ADGRB3: variants seen among roughly 807,000 people sequenced by gnomAD.
The protein encoded by ADGRB3 is brain-specific angiogenesis inhibitor 3.
A neutral mutation model predicts 193.4 loss-of-function variants in ADGRB3; 37 were observed. That is an observed-to-expected ratio of 0.19 (90% CI 0.15 to 0.25). ADGRB3 has a LOEUF of 0.25. Ranked by LOEUF, ADGRB3 falls within the 10% of genes least tolerant of loss-of-function variation. The pLI is 1.00. For synonymous variants in ADGRB3, 690 were observed against 644.2 expected, an observed-to-expected ratio of 1.07 and a Z score of -1.08; for missense variants, 1,637 against 1,852.9, an observed-to-expected ratio of 0.88 and a Z score of 2.14.
At chr6:68,749,269 A>C (rs376885615) in intron 3 of ADGRB3, among the ~76,000 whole-genome samples, 9 of 152,174 alleles carry the variant, frequency 5.9e-5, no homozygotes, top group African/African-American at 1.9e-4. Flanking sequence ...TCTGTCGCAT[A>C]GTCAGGCTGT....
intron 11 of ADGRB3, among the ~76,000 whole-genome samples, chr6:69,005,294 C>T (rs1769714852): frequency 6.6e-6 from 1 of 151,272 alleles, no homozygotes; most frequent in South Asian, 2.1e-4. Flanking sequence ...ATCTAGTATA[C>T]CTCACAGCAG....
chr6:68,817,869 C>A (rs1408236420), intron 3 of ADGRB3, among the ~76,000 whole-genome samples: 1 of 151,962 alleles, frequency 6.6e-6, no homozygotes, highest in African/African-American at 2.4e-5. Flanking sequence ...ATTTTTCTTG[C>A]CAGCTTCTTG....
intron 3 of ADGRB3, among the ~76,000 whole-genome samples, chr6:68,711,583 T>G (rs570116010): frequency 6.6e-6 from 1 of 152,106 alleles, no homozygotes; most frequent in Non-Finnish European, 1.5e-5. Flanking sequence ...TTTTGTTTTG[T>G]TTTTCTTTGT....
intron 3 of ADGRB3, among the ~76,000 whole-genome samples, chr6:68,781,018 G>A (rs116368621): frequency 0.028 from 4,338 of 152,224 alleles, 207 homozygotes; most frequent in African/African-American, 0.097. Context: ...TGTCTTAAGC[G>A]AAGCTTTTAT....
intron 13 of ADGRB3, among the ~76,000 whole-genome samples, chr6:69,038,285 G>T (rs1770933919): frequency 6.6e-6 from 1 of 151,822 alleles, no homozygotes; most frequent in Non-Finnish European, 1.5e-5. Context: ...CTCTAATAAG[G>T]TTTGAACAAC....
rs183280208 is a variant in ADGRB3, at chr6:69,201,332, C to T, written c.2481-31958C>T. Among the ~76,000 whole-genome samples, 6 of 152,194 alleles carry T rather than the reference C, an allele frequency of 3.9e-5. No homozygotes were observed. The East Asian group carries it at 1.2e-3, about 29-fold the overall frequency. Reference sequence around the variant, plus strand: ...GACTTCCTCCTCTGGCTCCTAGTTCCCAGGACCTTGTCCTGGCTGTTTCTT... The same window carrying T: ...GACTTCCTCCTCTGGCTCCTAGTTCTCAGGACCTTGTCCTGGCTGTTTCTT... On this transcript the variant is annotated intron_variant, in intron 17 of 31. Transcript: ENST00000370598.
chr6:69,255,958 G>T (rs1766759515), intron 20 of ADGRB3, among the ~76,000 whole-genome samples: 1 of 152,052 alleles, frequency 6.6e-6, no homozygotes, highest in African/African-American at 2.4e-5. Flanking sequence ...ATTAAATAGG[G>T]AATCCTTTCC....
intron 17 of ADGRB3, among the ~76,000 whole-genome samples, chr6:69,084,959 C>T (rs193159336): frequency 9.7e-4 from 147 of 152,166 alleles, no homozygotes; most frequent in African/African-American, 3.5e-3. Context: ...AAGAATCTAC[C>T]AAGGAAGGAT....
chr6:69,376,082 CTTTTTTTTTTTTTT>C (rs58780409), intron 30 of ADGRB3, among the ~76,000 whole-genome samples: 27 of 67,372 alleles, frequency 4.0e-4, no homozygotes, highest in Non-Finnish European at 2.0e-4. Context: ...ATTATGTAGC[CTTTTTTTTTTTTTT>C]TTTTTTTTTT....
chr6:68,641,141 G>C (rs1387011708), intron 3 of ADGRB3, among the ~76,000 whole-genome samples: 1 of 152,172 alleles, frequency 6.6e-6, no homozygotes, highest in Admixed American at 6.5e-5. Flanking sequence ...TTGTTTTACT[G>C]TTGTTTTAAT....
chr6:69,088,199 T>C (rs1276304405), intron 17 of ADGRB3, among the ~76,000 whole-genome samples: 1 of 152,198 alleles, frequency 6.6e-6, no homozygotes, highest in African/African-American at 2.4e-5. Flanking sequence ...AAGTTTTTAA[T>C]TTTATGATAA....
At chr6:69,230,452 A>G (rs1328319059) in intron 17 of ADGRB3, among the ~76,000 whole-genome samples, 1 of 152,216 alleles carries the variant, frequency 6.6e-6, no homozygotes, top group Non-Finnish European at 1.5e-5. Context: ...GCTCTGCCAC[A>G]TATCAATTTG....
intron 5 of ADGRB3, among the ~76,000 whole-genome samples, chr6:68,939,678 GTTA>G (rs1264969300): frequency 6.6e-6 from 1 of 152,022 alleles, no homozygotes; most frequent in African/African-American, 2.4e-5. Flanking sequence ...AATATTTTAT[GTTA>G]TTATTTGTTG....
chr6:68,756,071 C>G (rs1026810722), intron 3 of ADGRB3, among the ~76,000 whole-genome samples: 1 of 152,036 alleles, frequency 6.6e-6, no homozygotes, highest in Admixed American at 6.6e-5. Context: ...GTCTAGAGTT[C>G]TGATTAATGG....
At chr6:69,226,451 A>G (rs1766017532) in intron 17 of ADGRB3, among the ~76,000 whole-genome samples, 1 of 152,242 alleles carries the variant, frequency 6.6e-6, no homozygotes, top group Non-Finnish European at 1.5e-5. Context: ...AGTGAACATA[A>G]CAATATACCT....
Position 68,749,406 on chromosome 6 carries a change from A to ATGTG in ADGRB3, c.757+109975_757+109976insGTGT, listed in dbSNP as rs1402921928. 4.6e-3 allele frequency among the ~76,000 whole-genome samples: 460 copies of ATGTG among 101,080 alleles called. 3 individuals carry two copies. The highest frequency in any genetic ancestry group is 0.011 in the African/African-American group (283 of 25,484). 66.3% of individuals were successfully genotyped at this position (101,080 alleles called of 152,430 possible). On this transcript the variant is annotated intron_variant, in intron 3 of 31. Transcript: ENST00000370598. Reference sequence around the variant, plus strand: ...AATAAACTCCCCTTTATATATATATATATGTGTGTGTGTGTGTGTGTGTGT... The same window carrying ATGTG: ...AATAAACTCCCCTTTATATATATATATGTGTATGTGTGTGTGTGTGTGTGTGTGT...
intron 20 of ADGRB3, among the ~76,000 whole-genome samples, chr6:69,297,763 G>C (rs1767861203): frequency 6.6e-6 from 1 of 151,936 alleles, no homozygotes; most frequent in African/African-American, 2.4e-5. Flanking sequence ...ACTCAAAATA[G>C]AAAATCCAAT....
At chr6:68,800,162 A>C (rs1338551023) in intron 3 of ADGRB3, among the ~76,000 whole-genome samples, 2 of 152,148 alleles carry the variant, frequency 1.3e-5, no homozygotes, top group Admixed American at 6.6e-5. Context: ...AGAGTGGTTA[A>C]ATTCAGTATA....
At chr6:69,224,214 T>C (rs1010737495) in intron 17 of ADGRB3, among the ~76,000 whole-genome samples, 7 of 152,246 alleles carry the variant, frequency 4.6e-5, no homozygotes, top group Admixed American at 3.9e-4. Flanking sequence ...AGTCAGGAAG[T>C]GAGCTAGTTG....
Sources: gnomAD v4.1 joint callset for allele counts (sites outside exome capture counted in the v4.1 genomes callset) on GRCh38, gnomAD v4.1.1 for gene constraint, MANE v1.5 for transcripts, NCBI Gene and HGNC (gene_info 2026-07-23, HGNC 2026-07-21) for gene names.